CFAP74: variants seen among roughly 807,000 people sequenced by gnomAD.
The protein encoded by CFAP74 is cilia- and flagella-associated protein 74.
Under a neutral mutation model 188.9 loss-of-function variants are expected in CFAP74, and 124 were observed. The observed-to-expected ratio is 0.66, with a 90% confidence interval of 0.57 to 0.76. CFAP74 has a LOEUF of 0.76. Ranked by LOEUF, CFAP74 falls within the 30% of genes least tolerant of loss-of-function variation. The pLI is 0.00. For missense variants in CFAP74, 2,198 were observed against 2,165.2 expected, an observed-to-expected ratio of 1.02 and a Z score of -0.30; for synonymous variants, 956 against 916.7, an observed-to-expected ratio of 1.04 and a Z score of -0.77.
chr1:1,999,537 C>A (rs769133951), intron 1 of CFAP74, among the ~76,000 whole-genome samples: 1 of 152,176 alleles, frequency 6.6e-6, no homozygotes, highest in Non-Finnish European at 1.5e-5. Flanking sequence ...TTCATTCAGG[C>A]CAGGTGCAGT....
At chr1:1,978,347 G>A (rs2102089625) in intron 6 of CFAP74, among the ~76,000 whole-genome samples, 1 of 152,268 alleles carries the variant, frequency 6.6e-6, no homozygotes, top group Admixed American at 6.5e-5. Flanking sequence ...TGGAGCCCTG[G>A]GGTGCTGCTA....
chr1:1,970,761 T>C lies in CFAP74; in HGVS notation c.944A>G (p.Gln315Arg). Residue 315 changes from glutamine to arginine, a missense_variant, in exon 10 of 39, where the codon CAG becomes CGG. Transcript: ENST00000682832. Reference sequence around the variant, plus strand: ...CGCCTTCTTCTCAGCCTGGACCCTCTGCTCCGCCAGCTCTGCCTTGGCACG... The same window carrying C: ...CGCCTTCTTCTCAGCCTGGACCCTCCGCTCCGCCAGCTCTGCCTTGGCACG... ...WDRAKAELAE[Q>R]RVQAEKKAIL... The C allele has an allele frequency of 6.2e-7, 1 of 1,614,170 alleles. No homozygotes were observed. Among genetic ancestry groups the C allele is most frequent in the South Asian group, 1.1e-5 (1 of 91,090 alleles).
intron 1 of CFAP74, among the ~76,000 whole-genome samples, chr1:1,991,827 C>G (rs1304710106): frequency 1.1e-4 from 16 of 151,938 alleles, no homozygotes; most frequent in Non-Finnish European, 1.6e-4. Context: ...ATCACGAGGT[C>G]AGGAGATCGA....
chr1:1,989,024 T>G, intron 2 of CFAP74, 51 bp from the exon 3 acceptor site: 1 of 944,956 alleles, frequency 1.1e-6, no homozygotes, highest in East Asian at 2.5e-5. Flanking sequence ...ATCAAACATT[T>G]GCATCTGAAG....
chr1:1,991,913 G>A (rs6684080), intron 1 of CFAP74, among the ~76,000 whole-genome samples: 9,354 of 151,714 alleles, frequency 0.062, 895 homozygotes, highest in African/African-American at 0.21. Flanking sequence ...GGTGGCAGGC[G>A]CCTGCGGTCC....
chr1:1,978,731 G>A (rs968629645), intron 6 of CFAP74, among the ~76,000 whole-genome samples: 1 of 152,214 alleles, frequency 6.6e-6, no homozygotes, highest in African/African-American at 2.4e-5. Flanking sequence ...CTCTAGAACT[G>A]CAAGCTCATA....
chr1:1,946,303 G>A lies in CFAP74; in HGVS notation c.2364+14C>T. The A allele has an allele frequency of 6.5e-7, 1 of 1,530,962 alleles. No individual in the cohort carries two copies. The highest frequency in any genetic ancestry group is 8.7e-7 in the Non-Finnish European group (1 of 1,143,438). 94.8% of individuals were successfully genotyped at this position (1,530,962 alleles called of 1,614,324 possible). ...GCCAGGGTGTGTGCGTGGCGTGGCA[G>A]CAGGAATACTCACCGTGGGGCACTG... is the stretch of plus-strand genomic sequence containing the variant. On this transcript the variant is annotated intron_variant, in intron 20 of 38. Coordinates refer to ENST00000682832, the MANE Select transcript of CFAP74 (RefSeq NM_001304360.2).
intron 6 of CFAP74, among the ~76,000 whole-genome samples, chr1:1,974,446 G>C (rs189429917): frequency 2.0e-5 from 3 of 152,316 alleles, no homozygotes; most frequent in Admixed American, 2.0e-4. Flanking sequence ...GCACTCCCGC[G>C]TGCCACCTGC....
chr1:1,972,242 G>A (rs564842751), intron 8 of CFAP74, among the ~76,000 whole-genome samples, 160 bp from the exon 9 acceptor site: 10 of 152,304 alleles, frequency 6.6e-5, no homozygotes, highest in African/African-American at 2.2e-4. Flanking sequence ...CACCACAAAC[G>A]GCCACATTTT....
At chr1:1,970,553 GGAGA>G in intron 10 of CFAP74, 102 bp downstream of exon 10, 1 of 1,297,618 alleles carries the variant, frequency 7.7e-7, no homozygotes, top group Non-Finnish European at 1.0e-6. Flanking sequence ...GGGCGCCCTG[GGAGA>G]GAGAGCAGCT....
rs1407948366 is a variant in CFAP74 at position 1,942,474 on chromosome 1, G to A, written c.2487-318C>T. On this transcript the variant is annotated intron_variant, in intron 21 of 38. Coordinates refer to ENST00000682832, the MANE Select transcript of CFAP74 (RefSeq NM_001304360.2). This position sits in a 1 kb window ranked among gnomAD's most constrained non-coding sequence, Gnocchi z 4.3. ...CACCTGCCAGGCAGCCCCTGGGTGC[G>A]GGGCCCTGGAGGGGACATGAGGGGT... 2.0e-5 allele frequency among the ~76,000 whole-genome samples: 3 copies of A among 152,100 alleles called. No homozygotes were observed. Among genetic ancestry groups the A allele is most frequent in the African/African-American group, 2.4e-5 (1 of 41,440 alleles).
At chr1:1,964,176 C>G (rs1284706419) in intron 13 of CFAP74, among the ~76,000 whole-genome samples, 3 of 152,202 alleles carry the variant, frequency 2.0e-5, no homozygotes, top group African/African-American at 7.2e-5. Context: ...GGGTCCCTGA[C>G]TCCATGGATG....
At position 1,988,884 on chromosome 1, in the gene CFAP74, G is replaced by T; in HGVS notation, c.152+5C>A. ...CCCACCTCCACCCCCGATCCTCCGA[G>T]TTACCTGCTGTGTCCCGGGTCCACG... On this transcript the variant is annotated splice_donor_5th_base_variant and intron_variant, in intron 3 of 38. Coordinates refer to ENST00000682832, the MANE Select transcript of CFAP74 (RefSeq NM_001304360.2). 1 of 1,276,944 alleles carries T rather than the reference G, an allele frequency of 7.8e-7. No homozygotes were observed. The highest frequency in any genetic ancestry group is 1.0e-6 in the Non-Finnish European group (1 of 955,122). 79.1% of individuals were successfully genotyped at this position (1,276,944 alleles called of 1,614,324 possible).
At position 1,971,368 on chromosome 1, in the gene CFAP74, CACG is replaced by C. The variant is rs1428255601; in HGVS notation, c.889-555_889-553del. ...GCACACACATGCACACCTGCACACA[CACG>C]GTCACACATGCACACACGTGCACAC... On this transcript the variant is annotated intron_variant, in intron 9 of 38. Transcript: ENST00000682832. Among the ~76,000 whole-genome samples, 384 of 151,068 alleles carry C rather than the reference CACG, an allele frequency of 2.5e-3. 1 individual carries two copies. Among genetic ancestry groups the C allele is most frequent in the African/African-American group, 8.6e-3 (354 of 41,268 alleles).
intron 33 of CFAP74, among the ~76,000 whole-genome samples, chr1:1,925,283 C>G (rs1651788001): frequency 6.9e-6 from 1 of 144,484 alleles, no homozygotes; most frequent in African/African-American, 2.7e-5. Context: ...AGGGCACACG[C>G]TGGTGCAAAG....
At chr1:1,998,202 T>C (rs1177115939) in intron 1 of CFAP74, among the ~76,000 whole-genome samples, 2 of 152,034 alleles carry the variant, frequency 1.3e-5, no homozygotes, top group African/African-American at 4.8e-5. Context: ...CACTTGAATC[T>C]GGGAGGCAGA....
At chr1:1,932,103 T>C in intron 25 of CFAP74, among the ~76,000 whole-genome samples, 1 of 101,414 alleles carries the variant, frequency 9.9e-6, no homozygotes, top group Non-Finnish European at 2.0e-5. Flanking sequence ...ACAAAAAACT[T>C]AGAAAAATGT....
intron 25 of CFAP74, among the ~76,000 whole-genome samples, chr1:1,934,234 G>A (rs1036585423): frequency 6.6e-6 from 1 of 151,824 alleles, no homozygotes. Flanking sequence ...TAGGGTATAG[G>A]TACACACGTG....
Position 1,956,624 on chromosome 1 carries a change from T to A in CFAP74, c.2012A>T (p.Lys671Ile), listed in dbSNP as rs1343321462. The A allele has an allele frequency of 6.2e-7, 1 of 1,614,014 alleles. No individual in the cohort carries two copies. Among genetic ancestry groups the A allele is most frequent in the African/African-American group, 1.3e-5 (1 of 74,936 alleles). The change falls in exon 17 of 39, where the codon AAA becomes ATA. Residue 671 changes from lysine to isoleucine, a missense_variant. Transcript: ENST00000682832. ...ATGGCTGAGTGGCACACTCACTAATTTCAGGGCAGACTGGGAGTCGTCCAT... is the reference window on the plus strand; with the variant it reads ...ATGGCTGAGTGGCACACTCACTAATATCAGGGCAGACTGGGAGTCGTCCAT... The part of the protein sequence containing the change: ...CEMDDSQSAL[K>I]LSSLLTYEDK...
Sources: gnomAD v4.1 joint callset for allele counts (sites outside exome capture counted in the v4.1 genomes callset) on GRCh38, gnomAD v4.1.1 for gene constraint, Gnocchi (gnomAD v3.1) non-coding constraint, MANE v1.5 for transcripts, NCBI Gene and HGNC (gene_info 2026-07-23, HGNC 2026-07-21) for gene names.